Variants in GDPD5 observed in about 807,000 individuals in gnomAD.
GDPD5 encodes the protein glycerophosphodiester phosphodiesterase 2.
In GDPD5, 48 loss-of-function variants were observed where a neutral mutation model predicts 75.1. That is an observed-to-expected ratio of 0.64 (90% CI 0.51 to 0.81). The LOEUF (loss-of-function observed/expected upper bound fraction) is 0.81, where lower values mean the gene tolerates loss of function less well. Among genes scored for constraint, GDPD5 ranks in the 40% least tolerant of loss-of-function variants. The probability of loss-of-function intolerance (pLI) is 0.00; values close to 1 mark genes in which losing one functional copy is unlikely to be tolerated. For missense variants in GDPD5, 706 were observed against 822.6 expected, an observed-to-expected ratio of 0.86 and a Z score of 1.73; for synonymous variants, 336 against 339.0, an observed-to-expected ratio of 0.99 and a Z score of 0.10.
chr11:75,439,979 G>T lies in GDPD5; in HGVS notation c.1474-18C>A. 1 of 1,601,134 alleles carries T rather than the reference G, an allele frequency of 6.2e-7. No individual in the cohort carries two copies. The highest frequency in any genetic ancestry group is 8.6e-7 in the Non-Finnish European group (1 of 1,169,540). On this transcript the variant is annotated intron_variant, in intron 14 of 16. Transcript: ENST00000336898. ...TCCGGGGGCTGTGGACAGACGGCCC[G>T]AGGCCAACTTCCAGTCATGGCCAGT... is the stretch of plus-strand genomic sequence containing the variant.
chr11:75,505,318 G>T (rs1950373814), intron 1 of GDPD5, among the ~76,000 whole-genome samples: 1 of 152,018 alleles, frequency 6.6e-6, no homozygotes, highest in African/African-American at 2.4e-5. Context: ...TCCCTCTCAG[G>T]ATCCAGCTGC....
At chr11:75,441,389 C>T in intron 13 of GDPD5, 79 bp from the exon 14 acceptor site, 1 of 1,552,912 alleles carries the variant, frequency 6.4e-7, no homozygotes, top group Non-Finnish European at 8.8e-7. Flanking sequence ...TAAAGCACGT[C>T]CTGTTCACGA....
At chr11:75,465,124 C>T (rs1164475342) in intron 3 of GDPD5, among the ~76,000 whole-genome samples, 5 of 152,190 alleles carry the variant, frequency 3.3e-5, no homozygotes, top group Non-Finnish European at 7.3e-5. Flanking sequence ...TAGACTGACA[C>T]CCATCTGGTC....
intron 2 of GDPD5, among the ~76,000 whole-genome samples, chr11:75,483,339 T>C (rs1949958576): frequency 6.6e-6 from 1 of 152,160 alleles, no homozygotes; most frequent in Admixed American, 6.5e-5. Context: ...CAAGAGTCCA[T>C]GACTGAGATG....
intron 2 of GDPD5, chr11:75,479,314 C>T (rs1949851228): frequency 6.6e-6 from 1 of 152,192 alleles, no homozygotes; most frequent in Non-Finnish European, 1.5e-5. Flanking sequence ...GACTCCAACG[C>T]TGGCCTGTGG....
chr11:75,477,933 CA>C, intron 2 of GDPD5, 138 bp from the exon 3 acceptor site: 1 of 415,932 alleles, frequency 2.4e-6, no homozygotes, highest in Non-Finnish European at 4.3e-6. Flanking sequence ...CACTTGGAGT[CA>C]CAGGCCCACC....
At chr11:75,492,647 T>C (rs1234623551) in intron 1 of GDPD5, among the ~76,000 whole-genome samples, 1 of 152,240 alleles carries the variant, frequency 6.6e-6, no homozygotes, top group Non-Finnish European at 1.5e-5. Context: ...TCTCTGATCC[T>C]CATTCATAGG....
At chr11:75,448,392 C>G in intron 9 of GDPD5, 2 of 804,860 alleles carry the variant, frequency 2.5e-6, no homozygotes, top group Non-Finnish European at 3.0e-6. Flanking sequence ...GATGGGGGAA[C>G]CAGGCAAAGA....
At chr11:75,522,930 G>T (rs1358056855) in intron 1 of GDPD5, among the ~76,000 whole-genome samples, 1 of 152,060 alleles carries the variant, frequency 6.6e-6, no homozygotes, top group Non-Finnish European at 1.5e-5. Flanking sequence ...GTGTCCCCAA[G>T]CAGACTGATT....
At chr11:75,488,136 T>C (rs589724) in intron 2 of GDPD5, among the ~76,000 whole-genome samples, 104,652 of 151,674 alleles carry the variant, frequency 0.69, 36,639 homozygotes, top group East Asian at 0.96. Context: ...GTGACAGGCC[T>C]CTCCCCTCCC....
intron 2 of GDPD5, among the ~76,000 whole-genome samples, chr11:75,481,416 C>T (rs1253214749): frequency 6.6e-6 from 1 of 152,188 alleles, no homozygotes; most frequent in Non-Finnish European, 1.5e-5. Context: ...CCCAGAGTCT[C>T]CTGAGTGCTG....
rs372098761 is a variant in GDPD5 at position 75,441,157 on chromosome 11, A to G, written c.1473+6T>C. On this transcript the variant is annotated splice_donor_region_variant and intron_variant, in intron 14 of 16. Transcript: ENST00000336898. Reference sequence around the variant, plus strand: ...CCCCCCAGGGGCCCTCTGCCCCCCAACTCACCATGATCCAGAGGGGGGAAG... The same window carrying G: ...CCCCCCAGGGGCCCTCTGCCCCCCAGCTCACCATGATCCAGAGGGGGGAAG... The G allele has an allele frequency of 2.5e-6, 4 of 1,612,788 alleles. No individual in the cohort carries two copies. The highest frequency in any genetic ancestry group is 3.4e-6 in the Non-Finnish European group (4 of 1,179,488).
intron 6 of GDPD5, 37 bp from the exon 7 acceptor site, chr11:75,450,020 C>A (rs80245703): frequency 7.0e-6 from 11 of 1,574,416 alleles, no homozygotes; most frequent in Admixed American, 1.7e-5. Context: ...AGGCTCAGAG[C>A]GGGTGGGAGG....
intron 1 of GDPD5, chr11:75,492,488 T>C (rs1592133956): frequency 1.3e-5 from 2 of 152,200 alleles, no homozygotes; most frequent in Admixed American, 1.3e-4. Flanking sequence ...TGGAAGCTGG[T>C]GAAGGAAGGG....
At chr11:75,506,270 C>G (rs572880226) in intron 1 of GDPD5, among the ~76,000 whole-genome samples, 31 of 152,214 alleles carry the variant, frequency 2.0e-4, no homozygotes, top group African/African-American at 7.0e-4. Context: ...GACACTCCCC[C>G]CAGGAACACT....
chr11:75,522,400 A>C (rs192253087), intron 1 of GDPD5, among the ~76,000 whole-genome samples: 33 of 152,244 alleles, frequency 2.2e-4, no homozygotes, highest in African/African-American at 7.9e-4. Flanking sequence ...CTGCCCAGAC[A>C]GCCACCTCCC....
chr11:75,483,497 C>G (rs559173528), intron 2 of GDPD5, among the ~76,000 whole-genome samples: 1 of 152,248 alleles, frequency 6.6e-6, no homozygotes, highest in South Asian at 2.1e-4. Flanking sequence ...GCTGTGCCCC[C>G]CAGACTGCAC....
At chr11:75,460,553 T>A (rs1487140901) in intron 4 of GDPD5, among the ~76,000 whole-genome samples, 1 of 152,104 alleles carries the variant, frequency 6.6e-6, no homozygotes. Context: ...CAAGCAATCT[T>A]CCCACCTCAG....
At chr11:75,436,368 T>A (rs921620334) in intron 16 of GDPD5, among the ~76,000 whole-genome samples, 18 of 152,176 alleles carry the variant, frequency 1.2e-4, no homozygotes, top group African/African-American at 4.1e-4. Flanking sequence ...TCGGCCCTCA[T>A]CTTGAAGCCA....
Sources: allele counts gnomAD v4.1 joint callset (sites outside exome capture counted in the v4.1 genomes callset), GRCh38; gene constraint gnomAD v4.1.1; transcripts MANE v1.5; gene names NCBI Gene and HGNC (gene_info 2026-07-23, HGNC 2026-07-21).